Variants in NRN1 observed in about 807,000 individuals in gnomAD.
NRN1 encodes neuritin 1.
In NRN1, 4 loss-of-function variants were observed where a neutral mutation model predicts 15.0. That is an observed-to-expected ratio of 0.27 (90% confidence interval 0.13 to 0.61). NRN1 has a LOEUF of 0.61. NRN1 is among the 20% of genes least tolerant of loss of function. The pLI is 0.87. For missense variants in NRN1, 134 were observed against 181.9 expected, an observed-to-expected ratio of 0.74 and a Z score of 1.51; for synonymous variants, 85 against 79.8, an observed-to-expected ratio of 1.07 and a Z score of -0.35.
chr6:6,006,583 G>T, intron 1 of NRN1, 112 bp downstream of exon 1: 1 of 962,734 alleles, frequency 1.0e-6, no homozygotes, highest in South Asian at 1.3e-5. Context: ...GGGGATTGCC[G>T]GCTTCTCCGC....
chr6:5,999,460 G>C (rs916984499), intron 2 of NRN1, among the ~76,000 whole-genome samples: 1 of 152,240 alleles, frequency 6.6e-6, no homozygotes, highest in African/African-American at 2.4e-5. Context: ...CCTTCCAGTT[G>C]CCGGGAGAGG....
chr6:6,004,286 C>A (rs1199086973), intron 1 of NRN1, among the ~76,000 whole-genome samples: 1 of 152,208 alleles, frequency 6.6e-6, no homozygotes, highest in African/African-American at 2.4e-5. Context: ...ATAAACGAAT[C>A]TTTGTTCTGA....
At chr6:6,003,566 C>A in intron 1 of NRN1, 1 of 587,222 alleles carries the variant, frequency 1.7e-6, no homozygotes, top group Non-Finnish European at 2.5e-6. Flanking sequence ...AGAGAGCAGG[C>A]AGGGATAAAA....
intron 2 of NRN1, 47 bp from the exon 3 acceptor site, chr6:5,999,251 G>T (rs777852344): frequency 1.8e-5 from 27 of 1,523,158 alleles, no homozygotes; most frequent in Admixed American, 3.4e-5. Flanking sequence ...CACTTGGGAC[G>T]CCGGGAACAC....
Position 6,006,839 on chromosome 6 carries a change from A to G in NRN1, c.-90T>C. 2 of 1,191,078 alleles carry G rather than the reference A, an allele frequency of 1.7e-6. No individual in the cohort carries two copies. Among genetic ancestry groups the G allele is most frequent in the Non-Finnish European group, 2.5e-6 (2 of 795,076 alleles). 73.8% of individuals were successfully genotyped at this position (1,191,078 alleles called of 1,614,324 possible). A position where few individuals can be genotyped will look rare whatever the true frequency, so the allele number is the denominator to read the frequency against. On this transcript the variant is annotated 5_prime_UTR_variant, in exon 1 of 3. Transcript: ENST00000244766. ...GAAAGCCAAAAAATAGGCATTGCCA[A>G]CAAGTTCCGGGAGCGACAGAGACTT...
At chr6:6,005,975 A>G (rs963150502) in intron 1 of NRN1, among the ~76,000 whole-genome samples, 1 of 152,258 alleles carries the variant, frequency 6.6e-6, no homozygotes, top group African/African-American at 2.4e-5. Context: ...GACATGACAT[A>G]TTCCAAACAC....
chr6:5,999,272 C>T (rs112528697), intron 2 of NRN1, 68 bp from the exon 3 acceptor site: 6 of 1,360,890 alleles, frequency 4.4e-6, no homozygotes, highest in East Asian at 4.7e-5. Flanking sequence ...CCCGGGCTTG[C>T]GCCCCTGCGC....
chr6:6,001,627 A>C (rs1018478610), intron 2 of NRN1, among the ~76,000 whole-genome samples: 1 of 152,202 alleles, frequency 6.6e-6, no homozygotes, highest in African/African-American at 2.4e-5. Context: ...CAAGGGAAAC[A>C]AGGAGAGTGC....
chr6:6,005,956 C>T (rs72811082), intron 1 of NRN1, among the ~76,000 whole-genome samples: 235 of 152,310 alleles, frequency 1.5e-3, no homozygotes, highest in African/African-American at 5.4e-3. Flanking sequence ...ACAAAAATAA[C>T]AAACACCCGA....
At chr6:6,002,055 G>T (rs1424987919) in intron 2 of NRN1, among the ~76,000 whole-genome samples, 1 of 152,264 alleles carries the variant, frequency 6.6e-6, no homozygotes, top group Non-Finnish European at 1.5e-5. Context: ...CTGGCTCCCA[G>T]CATGTCGAGC....
chr6:6,004,192 C>A (rs1322908129), intron 1 of NRN1: 1 of 209,518 alleles, frequency 4.8e-6, no homozygotes, highest in Non-Finnish European at 8.5e-6. Flanking sequence ...CCTTCTCAAA[C>A]CTCCGAGTTC....
chr6:6,003,543 C>A (rs1354244575), intron 1 of NRN1, among the ~76,000 whole-genome samples: 6 of 152,152 alleles, frequency 3.9e-5, no homozygotes, highest in African/African-American at 1.2e-4. Flanking sequence ...GGCCCCAGCT[C>A]AGGACTCCCT....
intron 2 of NRN1, 56 bp downstream of exon 2, chr6:6,002,297 C>G (rs1757970326): frequency 5.0e-6 from 8 of 1,594,950 alleles, no homozygotes; most frequent in Non-Finnish European, 6.9e-6. Context: ...TCGGCACTCT[C>G]CGACCTCAGT....
rs1468447211 is a variant in NRN1 at position 5,998,755 on chromosome 6, T to G, written c.*221A>C. On this transcript the variant is annotated 3_prime_UTR_variant, in exon 3 of 3. Transcript: ENST00000244766. ...ACGGACTAAAGCTGAGGTCCGATTT[T>G]GGCTGTGCTTGCTTGCTCACTGATT... 1 of 534,004 alleles carries G rather than the reference T, an allele frequency of 1.9e-6. No individual in the cohort carries two copies. Among genetic ancestry groups the G allele is most frequent in the African/African-American group, 1.9e-5 (1 of 53,054 alleles). The allele number at this position is 534,004 out of a possible 1,614,324, so 33.1% of individuals were successfully genotyped here. A position where few individuals can be genotyped will look rare whatever the true frequency, so the allele number is the denominator to read the frequency against.
intron 1 of NRN1, 70 bp from the exon 2 acceptor site, chr6:6,002,567 G>C (rs1212225608): frequency 1.3e-6 from 2 of 1,564,594 alleles, no homozygotes. Flanking sequence ...CCTTTCCTGC[G>C]AGACCCTGGC....
Position 6,003,547 on chromosome 6 carries a change from A to T in NRN1, c.56-1050T>A, listed in dbSNP as rs529655613. The stretch of plus-strand genomic sequence containing the variant: ...CCGGGGCTCCTGGCCCCAGCTCAGG[A>T]CTCCCTGCAGAGAGCAGGCAGGGAT... On this transcript the variant is annotated intron_variant, in intron 1 of 2. Coordinates refer to ENST00000244766, the MANE Select transcript of NRN1 (RefSeq NM_016588.3). Among the ~76,000 whole-genome samples the T allele has an allele frequency of 1.2e-3, 180 of 151,826 alleles. 1 individual carries two copies. Among genetic ancestry groups the T allele is most frequent in the African/African-American group, 4.2e-3 (173 of 41,216 alleles).
At chr6:6,005,157 G>A (rs1037016076) in intron 1 of NRN1, among the ~76,000 whole-genome samples, 1 of 151,956 alleles carries the variant, frequency 6.6e-6, no homozygotes, top group African/African-American at 2.4e-5. Context: ...CTCAAAGTAA[G>A]GTTATTTCCT....
rs1554145373 is a variant in NRN1, at chr6:6,000,748, T to TTTTTTTTA, written c.201-1545_201-1544insTAAAAAAA. Among the ~76,000 whole-genome samples, 68 of 99,124 alleles carry TTTTTTTTA rather than the reference T, an allele frequency of 6.9e-4. 8 individuals carry two copies. The highest frequency in any genetic ancestry group is 5.5e-3 in the East Asian group (16 of 2,928). The allele number at this position is 99,124 out of a possible 152,430, so 65.0% of individuals were successfully genotyped here. ...TTTTTTTTTTTTTTTTTTTTTTTTT[T>TTTTTTTTA]ATGTACGCCCAGATGAGGGCAGAGT... On this transcript the variant is annotated intron_variant, in intron 2 of 2. Coordinates refer to ENST00000244766, the MANE Select transcript of NRN1 (RefSeq NM_016588.3).
intron 1 of NRN1, chr6:6,003,369 C>T (rs1463527429): frequency 4.6e-6 from 3 of 651,316 alleles, no homozygotes; most frequent in Non-Finnish European, 6.6e-6. Flanking sequence ...GGGCCTCTTT[C>T]TCTCCTCCTC....
Sources: gnomAD v4.1 joint callset for allele counts (sites outside exome capture counted in the v4.1 genomes callset) on GRCh38, gnomAD v4.1.1 for gene constraint, MANE v1.5 for transcripts, NCBI Gene and HGNC (gene_info 2026-07-23, HGNC 2026-07-21) for gene names.